The following CSMD1 variants were observed in gnomAD, a reference collection of about 807,000 sequenced individuals.
CSMD1 encodes CUB and sushi domain-containing protein 1.
CSMD1 carries 213 observed loss-of-function variants against 417.5 expected under a neutral mutation model. That is an observed-to-expected ratio of 0.51 (90% CI 0.46 to 0.57). CSMD1 has a LOEUF of 0.57. CSMD1 is among the 20% of genes least tolerant of loss of function. The pLI is 0.00. For missense variants in CSMD1, 6,923 were observed against 4,529.7 expected, an observed-to-expected ratio of 1.53 and a Z score of -15.17; for synonymous variants, 2,862 against 1,736.8, an observed-to-expected ratio of 1.65 and a Z score of -16.11.
intron 1 of CSMD1, among the ~76,000 whole-genome samples, chr8:4,862,667 C>T (rs1001405869): frequency 6.6e-6 from 1 of 152,104 alleles, no homozygotes; most frequent in African/African-American, 2.4e-5. Flanking sequence ...TGAATTAACA[C>T]CTGCAAGTGC....
At chr8:4,009,846 G>A (rs577476372) in intron 4 of CSMD1, among the ~76,000 whole-genome samples, 12 of 152,064 alleles carry the variant, frequency 7.9e-5, no homozygotes, top group East Asian at 7.8e-4. Context: ...CTTACTTCAT[G>A]CCTGAGGCCA....
intron 1 of CSMD1, among the ~76,000 whole-genome samples, chr8:4,772,933 C>T (rs1045728366): frequency 6.6e-6 from 1 of 152,132 alleles, no homozygotes; most frequent in Non-Finnish European, 1.5e-5. Context: ...TACTTCATCC[C>T]TGCAACATTG....
chr8:3,496,211 C>A (rs932045792), intron 10 of CSMD1, among the ~76,000 whole-genome samples: 2 of 152,208 alleles, frequency 1.3e-5, no homozygotes, highest in African/African-American at 4.8e-5. Context: ...ATGTTCCTCC[C>A]TCAGCTATGG....
At chr8:4,271,537 A>G (rs1004293063) in intron 3 of CSMD1, among the ~76,000 whole-genome samples, 1 of 152,106 alleles carries the variant, frequency 6.6e-6, no homozygotes, top group Admixed American at 6.6e-5. Context: ...CCACCAACAA[A>G]ATACCACCAT....
chr8:4,186,386 C>A (rs746681078), intron 3 of CSMD1, among the ~76,000 whole-genome samples: 1 of 152,100 alleles, frequency 6.6e-6, no homozygotes, highest in South Asian at 2.1e-4. Context: ...AGCATCTCTG[C>A]TCACCCCAAG....
chr8:3,856,177 A>G (rs188576786), intron 5 of CSMD1, among the ~76,000 whole-genome samples: 1 of 151,958 alleles, frequency 6.6e-6, no homozygotes, highest in Non-Finnish European at 1.5e-5. Context: ...ATGGTTTAGC[A>G]CCATCCTCCC....
intron 23 of CSMD1, among the ~76,000 whole-genome samples, chr8:3,326,535 T>C (rs557750210): frequency 6.6e-6 from 1 of 152,242 alleles, no homozygotes; most frequent in Non-Finnish European, 1.5e-5. Flanking sequence ...GTGCCTTATG[T>C]TTTACAGTTG....
chr8:3,707,670 C>T (rs10112162), intron 7 of CSMD1, among the ~76,000 whole-genome samples: 50,601 of 151,974 alleles, frequency 0.33, 8,535 homozygotes, highest in East Asian at 0.49. Flanking sequence ...GCTGACTGCA[C>T]CTGCAGAGAA....
At chr8:3,648,524 T>G (rs1350827668) in intron 7 of CSMD1, among the ~76,000 whole-genome samples, 1 of 152,214 alleles carries the variant, frequency 6.6e-6, no homozygotes, top group Non-Finnish European at 1.5e-5. Context: ...TGAAAAGTTG[T>G]TGTACGATTT....
At chr8:3,410,864 A>C (rs1269903505) in intron 12 of CSMD1, among the ~76,000 whole-genome samples, 1 of 152,130 alleles carries the variant, frequency 6.6e-6, no homozygotes, top group Non-Finnish European at 1.5e-5. Flanking sequence ...TGAGACTCCC[A>C]AAAATTAATG....
intron 3 of CSMD1, among the ~76,000 whole-genome samples, chr8:4,398,063 G>T (rs563652677): frequency 9.2e-5 from 14 of 152,266 alleles, no homozygotes; most frequent in African/African-American, 3.4e-4. Context: ...ATATCAAATA[G>T]CTAGTATTAC....
rs964118899 is a variant in CSMD1 at position 4,033,239 on chromosome 8, G to C, written c.416-1140C>G. 5.3e-5 allele frequency among the ~76,000 whole-genome samples: 8 copies of C among 150,582 alleles called. No homozygotes were observed. In the East Asian group the frequency reaches 7.9e-4, roughly 15 times the overall value. On this transcript the variant is annotated intron_variant, in intron 3 of 69. Coordinates refer to ENST00000635120, the MANE Select transcript of CSMD1 (RefSeq NM_033225.6). ...GAGGATCGTGAGGTCAAGAGATCGA[G>C]ACCATCCTGGCTAACACGGTGAAAC...
intron 3 of CSMD1, among the ~76,000 whole-genome samples, chr8:4,322,412 G>C (rs563166387): frequency 5.6e-4 from 85 of 152,214 alleles, no homozygotes; most frequent in African/African-American, 2.0e-3. Context: ...TATTAGCAAG[G>C]TGACTACATA....
At chr8:3,779,833 G>T (rs1799082230) in intron 5 of CSMD1, among the ~76,000 whole-genome samples, 1 of 152,134 alleles carries the variant, frequency 6.6e-6, no homozygotes, top group Non-Finnish European at 1.5e-5. Context: ...ATAGGGACAG[G>T]AAAAATAGTT....
At chr8:4,912,108 G>A (rs1305278645) in intron 1 of CSMD1, among the ~76,000 whole-genome samples, 1 of 73,070 alleles carries the variant, frequency 1.4e-5, no homozygotes, top group Non-Finnish European at 3.0e-5. Context: ...CTTTTCTAGT[G>A]CTCAACATAG....
chr8:4,251,559 G>A (rs1412031060), intron 3 of CSMD1, among the ~76,000 whole-genome samples: 1 of 152,184 alleles, frequency 6.6e-6, no homozygotes, highest in Admixed American at 6.5e-5. Flanking sequence ...AATCAGGGCA[G>A]TATCCCACAG....
chr8:4,183,797 G>A (rs970244847), intron 3 of CSMD1, among the ~76,000 whole-genome samples: 5 of 152,166 alleles, frequency 3.3e-5, no homozygotes, highest in African/African-American at 9.7e-5. Flanking sequence ...CATCACTTGA[G>A]TATTTCTGTA....
intron 3 of CSMD1, among the ~76,000 whole-genome samples, chr8:4,141,160 G>C (rs146864029): frequency 1.3e-5 from 2 of 151,118 alleles, no homozygotes; most frequent in Non-Finnish European, 1.5e-5. Context: ...AACAGAACGT[G>C]TCTCTCACAG....
At chr8:3,685,268 G>A (rs1309397058) in intron 7 of CSMD1, among the ~76,000 whole-genome samples, 3 of 152,144 alleles carry the variant, frequency 2.0e-5, no homozygotes, top group Non-Finnish European at 4.4e-5. Context: ...AGGGCTAATT[G>A]TACCCATTAC....
Sources: gnomAD v4.1 joint callset for allele counts (sites outside exome capture counted in the v4.1 genomes callset) on GRCh38, gnomAD v4.1.1 for gene constraint, MANE v1.5 for transcripts, NCBI Gene and HGNC (gene_info 2026-07-23, HGNC 2026-07-21) for gene names.